FRY: variants seen among roughly 807,000 people sequenced by gnomAD.
FRY encodes FRY microtubule binding protein.
A neutral mutation model predicts 348.4 loss-of-function variants in FRY; 128 were observed. That is an observed-to-expected ratio of 0.37 (90% CI 0.32 to 0.43). The LOEUF is 0.43. Among genes scored for constraint, FRY ranks in the 20% least tolerant of loss-of-function variants. The pLI is 1.00. For missense variants in FRY, 2,736 were observed against 3,695.2 expected, an observed-to-expected ratio of 0.74 and a Z score of 6.73; for synonymous variants, 1,370 against 1,374.7, an observed-to-expected ratio of 1.00 and a Z score of 0.08.
intron 1 of FRY, chr13:32,038,432 C>A (rs146910672): frequency 6.6e-6 from 1 of 152,198 alleles, no homozygotes; most frequent in African/African-American, 2.4e-5. Context: ...TTTCTTAGTG[C>A]GGTGCCTTCT....
intron 58 of FRY, among the ~76,000 whole-genome samples, chr13:32,288,313 A>C (rs1424510836): frequency 1.3e-5 from 2 of 152,252 alleles, no homozygotes; most frequent in Non-Finnish European, 2.9e-5. Context: ...ATGTTTTACT[A>C]AAACAACCAA....
At position 32,171,086 on chromosome 13, in the gene FRY, C is replaced by T. The variant is rs200809158; in HGVS notation, c.1967C>T (p.Ser656Leu). The change falls in exon 18 of 61, where the codon TCA becomes TTA. Residue 656 changes from serine to leucine, a missense_variant. This residue lies in a region of FRY where 449 missense variants were observed against 576.9 expected (regional missense o/e 0.78). Coordinates refer to ENST00000542859, the MANE Select transcript of FRY (RefSeq NM_023037.3). ...NSLQGLLVDF[S>L]DWREDVLFGF... is the part of the protein sequence containing the mutation. The stretch of plus-strand genomic sequence containing the variant: ...CTTCAGGGTTTACTTGTTGACTTCT[C>T]AGATTGGAGGGAAGATGTACTATTT... 99 of 1,612,342 alleles carry T rather than the reference C, an allele frequency of 6.1e-5. No homozygotes were observed. In the South Asian group the frequency reaches 1.0e-3, roughly 17 times the overall value.
chr13:32,042,704 G>T (rs2138368540), intron 1 of FRY, among the ~76,000 whole-genome samples: 1 of 152,320 alleles, frequency 6.6e-6, no homozygotes, highest in African/African-American at 2.4e-5. Context: ...GTAACAAGAA[G>T]ATTATTTTGA....
chr13:32,154,007 C>T (rs141712428), intron 14 of FRY, among the ~76,000 whole-genome samples: 1 of 152,128 alleles, frequency 6.6e-6, no homozygotes, highest in African/African-American at 2.4e-5. Context: ...AGTGTTGTCC[C>T]GGGAAAAGGA....
chr13:32,247,845 C>T (rs1369648097), intron 48 of FRY, among the ~76,000 whole-genome samples: 1 of 152,178 alleles, frequency 6.6e-6, no homozygotes, highest in Non-Finnish European at 1.5e-5. Context: ...AATGTTTCTC[C>T]CTGAATGACA....
At chr13:32,173,299 A>C in intron 18 of FRY, 68 bp from the exon 19 acceptor site, 2 of 1,227,876 alleles carry the variant, frequency 1.6e-6, no homozygotes, top group Non-Finnish European at 1.2e-6. Context: ...AAATATGTAA[A>C]ACATGAGTGT....
Position 32,291,508 on chromosome 13 carries a change from C to T in FRY, c.8580+1765C>T, listed in dbSNP as rs571500915. ...GCAACCTCCGCCTCCCAGGTTCAAG[C>T]GATTCTCCTGCCTCAGTCTCCTGAG... On this transcript the variant is annotated intron_variant, in intron 59 of 60. Transcript: ENST00000542859. Among the ~76,000 whole-genome samples, 5 of 151,814 alleles carry T rather than the reference C, an allele frequency of 3.3e-5. No homozygotes were observed. The South Asian group carries it at 6.3e-4, about 19-fold the overall frequency.
intron 2 of FRY, among the ~76,000 whole-genome samples, chr13:32,082,800 A>C (rs1177227814): frequency 6.6e-6 from 1 of 152,168 alleles, no homozygotes; most frequent in Non-Finnish European, 1.5e-5. Context: ...ATTGCTGTTG[A>C]AAAGTCTGTA....
chr13:32,221,659 T>C (rs1885321715), intron 36 of FRY, among the ~76,000 whole-genome samples: 1 of 152,146 alleles, frequency 6.6e-6, no homozygotes, highest in Non-Finnish European at 1.5e-5. Context: ...ACTACAGGTG[T>C]GTGCCACCAC....
chr13:32,078,265 G>T (rs1875233848), intron 1 of FRY, among the ~76,000 whole-genome samples: 1 of 152,124 alleles, frequency 6.6e-6, no homozygotes, highest in Non-Finnish European at 1.5e-5. Context: ...CCCAAACCTT[G>T]GACGGCAAAC....
At chr13:32,278,395 T>C in intron 57 of FRY, 70 bp from the exon 58 acceptor site, 1 of 854,184 alleles carries the variant, frequency 1.2e-6, no homozygotes, top group South Asian at 1.3e-5. Context: ...TTTTTCCTAA[T>C]GGAATTATAC....
At chr13:32,161,970 G>T (rs1881466480) in intron 17 of FRY, among the ~76,000 whole-genome samples, 1 of 152,110 alleles carries the variant, frequency 6.6e-6, no homozygotes, top group Non-Finnish European at 1.5e-5. Context: ...AATCAAAAGT[G>T]ACATAACCTA....
rs1232472067 is a variant in FRY at position 32,261,601 on chromosome 13, A to T, written c.7417-15A>T. ...GGATTTTGGCATAAAAAACCGGCTG[A>T]TGGTGTGATTTCAGGGTGAGAGTAT... On this transcript the variant is annotated splice_polypyrimidine_tract_variant and intron_variant, in intron 51 of 60. Transcript: ENST00000542859. The T allele has an allele frequency of 6.2e-7, 1 of 1,612,042 alleles. No homozygotes were observed. Among genetic ancestry groups the T allele is most frequent in the African/African-American group, 1.3e-5 (1 of 74,902 alleles).
intron 31 of FRY, among the ~76,000 whole-genome samples, chr13:32,204,390 A>C (rs1884232056): frequency 6.6e-6 from 1 of 152,244 alleles, no homozygotes; most frequent in Admixed American, 6.5e-5. Flanking sequence ...GGAAGCAACC[A>C]AGTCAGAATT....
intron 48 of FRY, 106 bp downstream of exon 48, chr13:32,247,608 C>A: frequency 1.1e-6 from 1 of 920,842 alleles, no homozygotes; most frequent in Non-Finnish European, 1.8e-6. Flanking sequence ...ACAGTTATTT[C>A]AAATGAAGAT....
rs372468037 is a variant in FRY, at chr13:32,268,277, A to G, written c.8136+918A>G. Reference sequence around the variant, plus strand: ...AGGGGGAGGAGGTGGCAAAAGAGAGAAACATGCCTTGCTGTGAAGAAACAT... The same window carrying G: ...AGGGGGAGGAGGTGGCAAAAGAGAGGAACATGCCTTGCTGTGAAGAAACAT... On this transcript the variant is annotated intron_variant, in intron 55 of 60. Transcript: ENST00000542859. Among the ~76,000 whole-genome samples the G allele has an allele frequency of 1.6e-3, 241 of 152,210 alleles. 1 individual carries two copies. Among genetic ancestry groups the G allele is most frequent in the African/African-American group, 5.4e-3 (226 of 41,506 alleles).
intron 10 of FRY, 87 bp from the exon 11 acceptor site, chr13:32,136,784 A>T (rs1404251126): frequency 2.3e-6 from 2 of 851,358 alleles, no homozygotes; most frequent in Non-Finnish European, 4.1e-6. Flanking sequence ...CCCGAGGGAG[A>T]TGGCAAGGTA....
chr13:32,164,425 C>A (rs1412086236), intron 17 of FRY, among the ~76,000 whole-genome samples: 1 of 152,138 alleles, frequency 6.6e-6, no homozygotes, highest in African/African-American at 2.4e-5. Context: ...TAAGGAGTTT[C>A]AACTGTGTGT....
chr13:32,152,438 G>C (rs151034771), intron 14 of FRY, among the ~76,000 whole-genome samples: 2 of 152,212 alleles, frequency 1.3e-5, no homozygotes, highest in East Asian at 3.9e-4. Context: ...AAAACCAGTT[G>C]AACAGAATAG....
Sources: allele counts gnomAD v4.1 joint callset (sites outside exome capture counted in the v4.1 genomes callset), GRCh38; gene constraint gnomAD v4.1.1; regional missense constraint gnomAD v4.1.1; transcripts MANE v1.5; gene names NCBI Gene and HGNC (gene_info 2026-07-23, HGNC 2026-07-21).